Variants in CDC42BPB observed in about 807,000 individuals in gnomAD.
CDC42BPB encodes the protein CDC42 binding protein kinase beta.
Under a neutral mutation model 214.9 loss-of-function variants are expected in CDC42BPB, and 37 were observed. That is an observed-to-expected ratio of 0.17 (90% CI 0.13 to 0.23). The LOEUF is 0.23. Among genes scored for constraint, CDC42BPB ranks in the 10% least tolerant of loss-of-function variants. CDC42BPB has a pLI of 1.00. For missense variants in CDC42BPB, 1,694 were observed against 2,227.0 expected, an observed-to-expected ratio of 0.76 and a Z score of 4.82; for synonymous variants, 931 against 884.0, an observed-to-expected ratio of 1.05 and a Z score of -0.94.
chr14:102,951,266 TAAC>T (rs1372132600), intron 24 of CDC42BPB, among the ~76,000 whole-genome samples: 2 of 152,054 alleles, frequency 1.3e-5, no homozygotes, highest in Non-Finnish European at 2.9e-5. Context: ...TGAGTTGAAA[TAAC>T]AAAAAACAAT....
At chr14:103,048,266 G>A (rs539510390) in intron 1 of CDC42BPB, among the ~76,000 whole-genome samples, 7 of 152,086 alleles carry the variant, frequency 4.6e-5, no homozygotes, top group African/African-American at 1.7e-4. Flanking sequence ...AAATTCGGCC[G>A]GGAGCGGTGG....
Position 102,966,372 on chromosome 14 carries a change from T to C in CDC42BPB, c.2487A>G (p.Lys829=). The change falls in exon 18 of 37, where the codon AAA becomes AAG. Residue 829 remains lysine (K), a synonymous_variant. Coordinates refer to ENST00000361246, the MANE Select transcript of CDC42BPB (RefSeq NM_006035.4). The stretch of plus-strand genomic sequence containing the variant: ...GAGCTTGAAGGTAACCCCGGGCATC[T>C]TTCTCGTCACTGACCCTGGAGGAGG... ...AEIIQWVSDE[K]DARGYLQALA... is the part of the protein sequence containing the mutation. 1 of 1,613,864 alleles carries C rather than the reference T, an allele frequency of 6.2e-7. No individual in the cohort carries two copies. Among genetic ancestry groups the C allele is most frequent in the Non-Finnish European group, 8.5e-7 (1 of 1,179,820 alleles).
Position 102,996,699 on chromosome 14 carries a change from C to T in CDC42BPB, c.596+2866G>A, listed in dbSNP as rs112352053. On this transcript the variant is annotated intron_variant, in intron 5 of 36. Transcript: ENST00000361246. ...TGATGGTGCATGCCTGTAATCCTAG[C>T]TACTCGGGAGGCTGAGGCAAGAGAA... Among the ~76,000 whole-genome samples, 748 of 151,128 alleles carry T rather than the reference C, an allele frequency of 4.9e-3. 12 individuals are homozygous for T. The highest frequency in any genetic ancestry group is 0.017 in the African/African-American group (697 of 41,104).
At chr14:103,008,760 G>A (rs1364531381) in intron 2 of CDC42BPB, 20 of 846,776 alleles carry the variant, frequency 2.4e-5, no homozygotes, top group East Asian at 1.2e-4. Context: ...CGTGGGCTCC[G>A]GAGTTTCACT....
chr14:102,942,647 C>T lies in CDC42BPB; in HGVS notation c.4408+1244G>A, dbSNP rs138065443. ...GCAGCCTCCATCTTCTGGGCTCAAG[C>T]AATCCTCCTGTCTCAGCCTCCCAAG... On this transcript the variant is annotated intron_variant, in intron 30 of 36. Transcript: ENST00000361246. Among the ~76,000 whole-genome samples, 284 of 152,324 alleles carry T rather than the reference C, an allele frequency of 1.9e-3. 2 individuals are homozygous for T. The highest frequency in any genetic ancestry group is 2.0e-3 in the Non-Finnish European group (137 of 68,022).
intron 5 of CDC42BPB, among the ~76,000 whole-genome samples, chr14:102,997,059 A>C (rs933888348): frequency 2.6e-5 from 4 of 152,152 alleles, no homozygotes; most frequent in Non-Finnish European, 5.9e-5. Flanking sequence ...GCACTCCAGC[A>C]AGACGGAAGA....
chr14:102,967,449 CAT>C (rs1893262209), intron 16 of CDC42BPB: 5 of 651,332 alleles, frequency 7.7e-6, no homozygotes, highest in Non-Finnish European at 9.5e-6. Context: ...AGACCAAACA[CAT>C]GACTCCATTC....
intron 12 of CDC42BPB, among the ~76,000 whole-genome samples, chr14:102,973,632 C>T (rs950485114): frequency 1.3e-5 from 2 of 152,138 alleles, no homozygotes; most frequent in Non-Finnish European, 2.9e-5. Context: ...CCACCATGCC[C>T]TGTGGACGGC....
At chr14:102,990,635 T>A (rs555062030) in intron 5 of CDC42BPB, among the ~76,000 whole-genome samples, 1 of 152,242 alleles carries the variant, frequency 6.6e-6, no homozygotes, top group African/African-American at 2.4e-5. Context: ...AACCCCATAG[T>A]AATGCGCATG....
intron 27 of CDC42BPB, chr14:102,946,960 T>A: frequency 3.8e-6 from 2 of 529,214 alleles, no homozygotes; most frequent in Non-Finnish European, 4.8e-6. Flanking sequence ...CTGCCTACTT[T>A]AAATCTGCTT....
intron 24 of CDC42BPB, among the ~76,000 whole-genome samples, chr14:102,951,170 G>A (rs1047065336): frequency 7.2e-5 from 11 of 152,128 alleles, no homozygotes; most frequent in African/African-American, 2.2e-4. Flanking sequence ...AGCCCGGGCC[G>A]CCTCCCACAC....
At position 102,971,831 on chromosome 14, in the gene CDC42BPB, AG is replaced by A. The variant is rs1436712185; in HGVS notation, c.1884+87del. 4 of 1,392,848 alleles carry A rather than the reference AG, an allele frequency of 2.9e-6. No homozygotes were observed. In the African/African-American group the frequency reaches 5.7e-5, roughly 20 times the overall value. The allele number at this position is 1,392,848 out of a possible 1,614,324, so 86.3% of individuals were successfully genotyped here. A position where few individuals can be genotyped will look rare whatever the true frequency, so the allele number is the denominator to read the frequency against. On this transcript the variant is annotated intron_variant, in intron 13 of 36. Transcript: ENST00000361246. ...ACAGAAAATTTCTGACCCCTTTTAC[AG>A]TAATGCAGCCCAAGATTTCAAAGAC...
chr14:102,940,022 C>T (rs745954980), intron 32 of CDC42BPB, 24 bp downstream of exon 32: 16 of 1,613,826 alleles, frequency 9.9e-6, no homozygotes, highest in Non-Finnish European at 1.2e-5. Flanking sequence ...CTTCCCTCCA[C>T]TCCCGGTGCA....
intron 14 of CDC42BPB, 44 bp from the exon 15 acceptor site, chr14:102,968,760 CAAGG>C: frequency 6.2e-7 from 1 of 1,604,652 alleles, no homozygotes. Flanking sequence ...TCTGTGTCCT[CAAGG>C]GTCACACTGT....
At chr14:103,030,695 CAAAA>C (rs975085322) in intron 1 of CDC42BPB, among the ~76,000 whole-genome samples, 2 of 151,520 alleles carry the variant, frequency 1.3e-5, no homozygotes, top group Non-Finnish European at 2.9e-5. Context: ...GGCTCCATCT[CAAAA>C]AAAAGTGTTC....
intron 23 of CDC42BPB, among the ~76,000 whole-genome samples, chr14:102,952,973 G>A (rs1206646819): frequency 1.3e-5 from 2 of 152,230 alleles, no homozygotes; most frequent in Non-Finnish European, 2.9e-5. Flanking sequence ...CCACATTTAG[G>A]TTGGGCTGCA....
At chr14:102,969,725 C>T (rs1893388525) in intron 14 of CDC42BPB, among the ~76,000 whole-genome samples, 1 of 152,260 alleles carries the variant, frequency 6.6e-6, no homozygotes. Flanking sequence ...CCTCCAGCCC[C>T]ACCAGTGGGC....
intron 1 of CDC42BPB, among the ~76,000 whole-genome samples, chr14:103,049,557 G>A (rs549242210): frequency 2.6e-5 from 4 of 152,348 alleles, no homozygotes; most frequent in East Asian, 3.9e-4. Context: ...GTTGGAGCGC[G>A]GAGCAAGCGA....
At chr14:102,965,851 G>T (rs955239929) in intron 18 of CDC42BPB, among the ~76,000 whole-genome samples, 7 of 152,226 alleles carry the variant, frequency 4.6e-5, no homozygotes, top group Non-Finnish European at 7.3e-5. Flanking sequence ...AGCTACTCGG[G>T]GGGGCTGAGG....
Sources: allele counts gnomAD v4.1 joint callset (sites outside exome capture counted in the v4.1 genomes callset), GRCh38; gene constraint gnomAD v4.1.1; transcripts MANE v1.5; gene names NCBI Gene and HGNC (gene_info 2026-07-23, HGNC 2026-07-21).